The following CDH4 variants were observed in gnomAD, a reference collection of about 807,000 sequenced individuals.
CDH4 encodes the protein cadherin-4.
A neutral mutation model predicts 86.0 loss-of-function variants in CDH4; 33 were observed. That is an observed-to-expected ratio of 0.38 (90% confidence interval 0.29 to 0.51). The LOEUF is 0.51. CDH4 is among the 20% of genes least tolerant of loss of function. The probability of loss-of-function intolerance (pLI) is 0.86; values close to 1 mark genes in which losing one functional copy is unlikely to be tolerated. For synonymous variants in CDH4, 555 were observed against 549.4 expected (o/e 1.01, Z -0.14); for missense variants, 1,114 against 1,307.4 (o/e 0.85, Z 2.28).
At chr20:61,921,296 G>A (rs28469728) in intron 9 of CDH4, among the ~76,000 whole-genome samples, 7 of 152,248 alleles carry the variant, frequency 4.6e-5, no homozygotes, top group South Asian at 4.1e-4. Flanking sequence ...GCATGGAAGC[G>A]TGGTGTCATG....
intron 2 of CDH4, among the ~76,000 whole-genome samples, chr20:61,585,442 A>G (rs1329152878): frequency 6.6e-6 from 1 of 152,182 alleles, no homozygotes; most frequent in Admixed American, 6.5e-5. Flanking sequence ...TGATGTACAG[A>G]TATTTGTGTT....
intron 4 of CDH4, among the ~76,000 whole-genome samples, chr20:61,796,693 G>A (rs1979550244): frequency 6.6e-6 from 1 of 152,174 alleles, no homozygotes; most frequent in South Asian, 2.1e-4. Flanking sequence ...CTGAGGTGAG[G>A]CTCCATGGTG....
intron 4 of CDH4, among the ~76,000 whole-genome samples, chr20:61,831,841 G>C (rs1241467782): frequency 1.3e-5 from 2 of 152,258 alleles, no homozygotes; most frequent in African/African-American, 2.4e-5. Context: ...AGCCTCTCCA[G>C]CATTTGCCTT....
At chr20:61,520,042 GC>G (rs1453686843) in intron 2 of CDH4, among the ~76,000 whole-genome samples, 6 of 152,168 alleles carry the variant, frequency 3.9e-5, no homozygotes, top group African/African-American at 1.4e-4. Flanking sequence ...CAGTTTCTAG[GC>G]TATTGACTAT....
chr20:61,930,096 C>A (rs1433023962), intron 13 of CDH4, among the ~76,000 whole-genome samples: 1 of 152,220 alleles, frequency 6.6e-6, no homozygotes, highest in Non-Finnish European at 1.5e-5. Context: ...TTCCACGGCT[C>A]CACTCTGCCT....
intron 4 of CDH4, among the ~76,000 whole-genome samples, chr20:61,786,318 G>A (rs1342434024): frequency 1.3e-5 from 2 of 152,118 alleles, no homozygotes; most frequent in Admixed American, 1.3e-4. Flanking sequence ...TTCTGAAGAC[G>A]CAATCCCAAG....
intron 3 of CDH4, among the ~76,000 whole-genome samples, chr20:61,771,871 A>G (rs1447727141): frequency 6.6e-6 from 1 of 152,220 alleles, no homozygotes; most frequent in Non-Finnish European, 1.5e-5. Context: ...ACATCTGTCT[A>G]TAAGGACTTT....
intron 11 of CDH4, among the ~76,000 whole-genome samples, chr20:61,925,512 GT>G (rs1253905094): frequency 6.6e-6 from 1 of 152,226 alleles, no homozygotes; most frequent in East Asian, 1.9e-4. Flanking sequence ...ATGGGCTCCT[GT>G]TTGCTGCGGC....
chr20:61,456,042 G>T (rs938760267), intron 2 of CDH4, among the ~76,000 whole-genome samples: 1 of 151,976 alleles, frequency 6.6e-6, no homozygotes, highest in African/African-American at 2.4e-5. Context: ...TAGAAGGGAA[G>T]AAAGGAAGGA....
chr20:61,753,214 C>T (rs930386734), intron 3 of CDH4, among the ~76,000 whole-genome samples: 9 of 152,048 alleles, frequency 5.9e-5, no homozygotes, highest in Admixed American at 5.2e-4. Flanking sequence ...GCAGATTCTG[C>T]CAGGGCAGGT....
chr20:61,653,381 CCA>C (rs1330063876), intron 2 of CDH4, among the ~76,000 whole-genome samples: 1 of 138,998 alleles, frequency 7.2e-6, no homozygotes, highest in Non-Finnish European at 1.6e-5. Context: ...AATCTTTTCC[CCA>C]CCTTTCCCCC....
intron 4 of CDH4, among the ~76,000 whole-genome samples, chr20:61,830,483 C>A (rs571655552): frequency 3.9e-5 from 2 of 51,442 alleles, no homozygotes; most frequent in Admixed American, 2.1e-4. Flanking sequence ...CCTCCCAAGG[C>A]CCCCCAGGAC....
chr20:61,618,703 G>A (rs543501307), intron 2 of CDH4, among the ~76,000 whole-genome samples: 1 of 152,366 alleles, frequency 6.6e-6, no homozygotes, highest in African/African-American at 2.4e-5. Context: ...GAGATTCAGA[G>A]CATCCCTGTG....
chr20:61,936,583 C>A (rs930188617), intron 15 of CDH4, among the ~76,000 whole-genome samples, 154 bp from the exon 16 acceptor site: 7 of 150,400 alleles, frequency 4.7e-5, no homozygotes, highest in African/African-American at 1.7e-4. Context: ...TCGGAAATGC[C>A]CTTCAGTTAA....
At chr20:61,835,892 C>T (rs1981849860) in intron 4 of CDH4, among the ~76,000 whole-genome samples, 1 of 152,222 alleles carries the variant, frequency 6.6e-6, no homozygotes, top group South Asian at 2.1e-4. Flanking sequence ...CAGACAGCAC[C>T]AGGTCAGGCA....
At chr20:61,922,924 C>T (rs563016065) in intron 9 of CDH4, among the ~76,000 whole-genome samples, 14 of 152,334 alleles carry the variant, frequency 9.2e-5, no homozygotes, top group African/African-American at 3.4e-4. Flanking sequence ...CCCAGCCCTG[C>T]CTGTCTGTTA....
intron 3 of CDH4, among the ~76,000 whole-genome samples, chr20:61,748,602 G>T (rs187397205): frequency 6.6e-6 from 1 of 152,158 alleles, no homozygotes; most frequent in African/African-American, 2.4e-5. Flanking sequence ...AAATACAAAT[G>T]AATCACAGCA....
intron 2 of CDH4, among the ~76,000 whole-genome samples, chr20:61,258,608 C>G (rs1347110431): frequency 1.3e-5 from 2 of 152,156 alleles, no homozygotes; most frequent in Non-Finnish European, 2.9e-5. Flanking sequence ...AGAATAAAAC[C>G]CAATTCACAT....
intron 2 of CDH4, among the ~76,000 whole-genome samples, chr20:61,673,907 A>G (rs1424947148): frequency 6.6e-6 from 1 of 152,226 alleles, no homozygotes; most frequent in Non-Finnish European, 1.5e-5. Flanking sequence ...AAGTCCTTGC[A>G]TTTGCATCCT....
Sources: gnomAD v4.1 joint callset for allele counts (sites outside exome capture counted in the v4.1 genomes callset) on GRCh38, gnomAD v4.1.1 for gene constraint, MANE v1.5 for transcripts, NCBI Gene and HGNC (gene_info 2026-07-23, HGNC 2026-07-21) for gene names.